The following SAMD3 variants were observed in gnomAD, a reference collection of about 807,000 sequenced individuals.
SAMD3 encodes the protein sterile alpha motif domain containing 3, also known as sterile alpha motif domain-containing protein 3.
Under a neutral mutation model 58.5 loss-of-function variants are expected in SAMD3, and 63 were observed. That is an observed-to-expected ratio of 1.08 (90% CI 0.88 to 1.33). The LOEUF (loss-of-function observed/expected upper bound fraction) is 1.33. SAMD3 is among the 40% of genes most tolerant of loss of function. SAMD3 has a pLI of 0.00. For synonymous variants in SAMD3, 220 were observed against 210.3 expected, an observed-to-expected ratio of 1.05 and a Z score of -0.40; for missense variants, 604 against 608.4, an observed-to-expected ratio of 0.99 and a Z score of 0.08.
rs190887295 is a variant in SAMD3 at position 130,194,258 on chromosome 6, C to T, written c.384-9635G>A. The stretch of plus-strand genomic sequence containing the variant: ...ATCAGTTAGCATTTAGACTCTTTTT[C>T]GTCAAATATAAAAATCCCAGCCCAG... On this transcript the variant is annotated intron_variant, in intron 5 of 11. Coordinates refer to ENST00000439090, the MANE Select transcript of SAMD3 (RefSeq NM_001017373.4). Among the ~76,000 whole-genome samples, 379 of 152,198 alleles carry T rather than the reference C, an allele frequency of 2.5e-3. 1 individual carries two copies. The highest frequency in any genetic ancestry group is 7.6e-3 in the African/African-American group (314 of 41,524).
intron 8 of SAMD3, among the ~76,000 whole-genome samples, chr6:130,155,861 A>T (rs1789731545): frequency 6.6e-6 from 1 of 152,226 alleles, no homozygotes. Context: ...AACCAAGTGA[A>T]GGAACGCCTA....
chr6:130,334,103 C>T (rs563929949), intron 1 of SAMD3, among the ~76,000 whole-genome samples: 11 of 152,228 alleles, frequency 7.2e-5, no homozygotes, highest in East Asian at 1.9e-4. Flanking sequence ...ATAATAATAT[C>T]GGGGAGCATA....
chr6:130,311,149 A>G (rs1010920392), intron 2 of SAMD3, among the ~76,000 whole-genome samples: 1 of 152,188 alleles, frequency 6.6e-6, no homozygotes, highest in Non-Finnish European at 1.5e-5. Flanking sequence ...GGGAGGAGCT[A>G]CATTTAAAAA....
At chr6:130,227,028 T>G (rs1317629154), upstream of SAMD3, among the ~76,000 whole-genome samples, 1 of 152,222 alleles carries the variant, frequency 6.6e-6, no homozygotes, top group African/African-American at 2.4e-5. Flanking sequence ...AATAAGTATA[T>G]TCACATTATT....
intron 1 of SAMD3, among the ~76,000 whole-genome samples, chr6:130,314,040 CAT>C (rs1229579465): frequency 1.3e-5 from 2 of 152,078 alleles, no homozygotes; most frequent in African/African-American, 2.4e-5. Context: ...CAATAGTAAA[CAT>C]GTGTGTTTAA....
chr6:130,178,613 C>T (rs1426877122), intron 7 of SAMD3, among the ~76,000 whole-genome samples: 2 of 152,168 alleles, frequency 1.3e-5, no homozygotes, highest in African/African-American at 4.8e-5. Context: ...CCTGAAAGCA[C>T]CATAGCCTAA....
At chr6:130,311,654 G>A (rs1484246736) in intron 2 of SAMD3, among the ~76,000 whole-genome samples, 2 of 152,196 alleles carry the variant, frequency 1.3e-5, no homozygotes, top group African/African-American at 4.8e-5. Context: ...GGAGGTGGCT[G>A]CGCTGAGATG....
intron 5 of SAMD3, among the ~76,000 whole-genome samples, chr6:130,195,773 G>A (rs949034576): frequency 1.3e-4 from 20 of 152,214 alleles, no homozygotes; most frequent in Admixed American, 5.2e-4. Flanking sequence ...CTGTCTCAGC[G>A]TAATTCTTAT....
chr6:130,165,240 A>C (rs900109138), intron 8 of SAMD3, among the ~76,000 whole-genome samples: 8 of 152,208 alleles, frequency 5.3e-5, no homozygotes, highest in African/African-American at 1.9e-4. Flanking sequence ...AACTAATAGG[A>C]CTGTTACTTA....
At chr6:130,341,168 A>G (rs1777259247) in intron 1 of SAMD3, among the ~76,000 whole-genome samples, 1 of 151,478 alleles carries the variant, frequency 6.6e-6, no homozygotes, top group Non-Finnish European at 1.5e-5. Flanking sequence ...AGAGGGAGGG[A>G]GGAAGGAAGG....
At chr6:130,169,239 CA>C (rs1791012623) in intron 8 of SAMD3, among the ~76,000 whole-genome samples, 2 of 151,710 alleles carry the variant, frequency 1.3e-5, no homozygotes, top group African/African-American at 4.9e-5. Context: ...AACCCCCCCA[CA>C]CACACACACT....
exon 1 of SAMD3, chr6:130,365,151 G>T (rs1235601494): frequency 1.0e-6 from 1 of 982,470 alleles, no homozygotes; most frequent in Non-Finnish European, 1.2e-6. Flanking sequence ...AGTCATCACC[G>T]TCTTTGCCGA....
At chr6:130,264,846 T>A (rs1292858998) in intron 2 of SAMD3, among the ~76,000 whole-genome samples, 1 of 150,992 alleles carries the variant, frequency 6.6e-6, no homozygotes, top group Non-Finnish European at 1.5e-5. Flanking sequence ...CTTTATACCC[T>A]ATGTGTCAGA....
At chr6:130,267,424 A>G (rs111883630) in intron 2 of SAMD3, among the ~76,000 whole-genome samples, 2,965 of 152,304 alleles carry the variant, frequency 0.019, 53 homozygotes, top group Middle Eastern at 0.031. Flanking sequence ...TTATCAATCT[A>G]TTGCACAGGA....
intron 9 of SAMD3, among the ~76,000 whole-genome samples, chr6:130,148,806 A>G (rs1197448575): frequency 6.6e-6 from 1 of 152,004 alleles, no homozygotes; most frequent in Admixed American, 6.6e-5. Context: ...CTGGGAGGCC[A>G]AGGCTGCAGT....
chr6:130,177,714 C>T (rs1791862288), intron 7 of SAMD3, among the ~76,000 whole-genome samples: 1 of 152,064 alleles, frequency 6.6e-6, no homozygotes, highest in South Asian at 2.1e-4. Context: ...CTTTTCTTTT[C>T]CTTTCTCTTT....
chr6:130,228,563 C>A (rs1293964177), intron 2 of SAMD3, among the ~76,000 whole-genome samples: 1 of 152,126 alleles, frequency 6.6e-6, no homozygotes, highest in Non-Finnish European at 1.5e-5. Flanking sequence ...GAGGGTGGGT[C>A]ATAGGTATTT....
At chr6:130,239,224 T>G (rs895635952) in intron 2 of SAMD3, among the ~76,000 whole-genome samples, 17 of 152,208 alleles carry the variant, frequency 1.1e-4, no homozygotes, top group Non-Finnish European at 2.2e-4. Context: ...CTCTATTTCC[T>G]GATTTCTAGT....
intron 1 of SAMD3, among the ~76,000 whole-genome samples, chr6:130,335,313 T>G (rs1195312318): frequency 6.6e-6 from 1 of 152,228 alleles, no homozygotes; most frequent in East Asian, 1.9e-4. Context: ...TGTATATGAC[T>G]TGTCGCCTGA....
Sources: allele counts gnomAD v4.1 joint callset (sites outside exome capture counted in the v4.1 genomes callset), GRCh38; gene constraint gnomAD v4.1.1; transcripts MANE v1.5; gene names NCBI Gene and HGNC (gene_info 2026-07-23, HGNC 2026-07-21).